The following KCNQ3 variants were observed in gnomAD, a reference collection of about 807,000 sequenced individuals.
The protein encoded by KCNQ3 is potassium voltage-gated channel subfamily Q member 3, also known as potassium voltage-gated channel subfamily KQT member 3.
In KCNQ3, 30 loss-of-function variants were observed where a neutral mutation model predicts 92.5. The ratio of observed to expected loss-of-function variants is 0.32; its 90% CI spans 0.24 to 0.44. The LOEUF is 0.44. Ranked by LOEUF, KCNQ3 falls within the 20% of genes least tolerant of loss-of-function variation. The pLI, the probability that KCNQ3 is intolerant of heterozygous loss-of-function variation, is 1.00. For synonymous variants in KCNQ3, 450 were observed against 468.8 expected, an observed-to-expected ratio of 0.96 and a Z score of 0.52; for missense variants, 913 against 1,140.3, an observed-to-expected ratio of 0.80 and a Z score of 2.87.
At chr8:132,350,148 T>C (rs961150654) in intron 1 of KCNQ3, among the ~76,000 whole-genome samples, 1 of 152,202 alleles carries the variant, frequency 6.6e-6, no homozygotes, top group Non-Finnish European at 1.5e-5. Context: ...CAAACATTGT[T>C]GGCAGTCCGG....
intron 1 of KCNQ3, among the ~76,000 whole-genome samples, chr8:132,278,564 A>G (rs140718302): frequency 7.9e-5 from 12 of 152,334 alleles, no homozygotes; most frequent in African/African-American, 2.2e-4. Context: ...CTGAAAGTCC[A>G]TAAGTAGGAC....
chr8:132,409,917 T>C (rs1396897491), intron 1 of KCNQ3, among the ~76,000 whole-genome samples: 1 of 152,218 alleles, frequency 6.6e-6, no homozygotes, highest in East Asian at 1.9e-4. Context: ...GAAGGTCAAT[T>C]TCAGAAGCAT....
rs149441236 is a variant in KCNQ3 at position 132,463,003 on chromosome 8, T to A, written c.386+17144A>T. Among the ~76,000 whole-genome samples the A allele has an allele frequency of 2.6e-4, 40 of 152,204 alleles. No individual in the cohort carries two copies. In the East Asian group the frequency reaches 7.7e-3, roughly 29 times the overall value. On this transcript the variant is annotated intron_variant, in intron 1 of 14. Coordinates refer to ENST00000388996, the MANE Select transcript of KCNQ3 (RefSeq NM_004519.4). Reference sequence around the variant, plus strand: ...ATTCAAGACACACATACACAGACAATGTTAGCATTCCGGGAAGACACAAAA... The same window carrying A: ...ATTCAAGACACACATACACAGACAAAGTTAGCATTCCGGGAAGACACAAAA...
Position 132,391,409 on chromosome 8 carries a change from C to T in KCNQ3, c.386+88738G>A, listed in dbSNP as rs150353962. ...GCTTCTTCAAGATGTTTTGGTGAGG[C>T]GACGCCGAGAAGAGATGCAAAAACT... On this transcript the variant is annotated intron_variant, in intron 1 of 14. Transcript: ENST00000388996. Among the ~76,000 whole-genome samples the T allele has an allele frequency of 7.3e-5, 11 of 151,636 alleles. 1 individual carries two copies. The East Asian group carries it at 1.4e-3, about 19-fold the overall frequency.
chr8:132,460,720 C>T (rs1241094355), intron 1 of KCNQ3, among the ~76,000 whole-genome samples: 9 of 152,166 alleles, frequency 5.9e-5, no homozygotes, highest in Admixed American at 1.3e-4. Context: ...CCTGGGGTTC[C>T]GTGACCTCCT....
intron 1 of KCNQ3, among the ~76,000 whole-genome samples, chr8:132,376,635 A>T (rs988757610): frequency 4.6e-5 from 7 of 152,168 alleles, no homozygotes; most frequent in African/African-American, 1.4e-4. Context: ...GTTGATCCCA[A>T]TCTCTTTGTT....
At chr8:132,283,364 T>C (rs1816588405) in intron 1 of KCNQ3, among the ~76,000 whole-genome samples, 1 of 152,204 alleles carries the variant, frequency 6.6e-6, no homozygotes, top group Non-Finnish European at 1.5e-5. Context: ...TTAATAGATT[T>C]AGCATGTATT....
chr8:132,179,912 T>C (rs1410062436), intron 4 of KCNQ3, among the ~76,000 whole-genome samples: 3 of 152,200 alleles, frequency 2.0e-5, no homozygotes, highest in Admixed American at 6.5e-5. Context: ...CAAAGTCATT[T>C]GCATATGGTG....
chr8:132,456,341 T>A (rs11988954), intron 1 of KCNQ3, among the ~76,000 whole-genome samples: 3,209 of 152,212 alleles, frequency 0.021, 114 homozygotes, highest in African/African-American at 0.073. Context: ...TTCTGCTATT[T>A]CCAAAGTCAG....
intron 1 of KCNQ3, among the ~76,000 whole-genome samples, chr8:132,250,326 G>A (rs1815363104): frequency 6.6e-6 from 1 of 152,192 alleles, no homozygotes; most frequent in Non-Finnish European, 1.5e-5. Flanking sequence ...CATCACTTGA[G>A]CCTCTGGACT....
rs577924576 is a variant in KCNQ3, at chr8:132,239,076, C to T, written c.387-52895G>A. Among the ~76,000 whole-genome samples, 9 of 152,222 alleles carry T rather than the reference C, an allele frequency of 5.9e-5. No individual in the cohort carries two copies. The South Asian group carries it at 6.2e-4, about 11-fold the overall frequency. ...TGGCAGAATCTTATTTGGACATTGA[C>T]GTATTACCAAGAAATTCCTGGGCCC... On this transcript the variant is annotated intron_variant, in intron 1 of 14. Transcript: ENST00000388996.
chr8:132,327,890 C>T (rs1047391178), intron 1 of KCNQ3, among the ~76,000 whole-genome samples: 1 of 152,076 alleles, frequency 6.6e-6, no homozygotes, highest in African/African-American at 2.4e-5. Context: ...CAGAGGACCC[C>T]ACCTGTACTT....
chr8:132,229,995 G>C (rs1422023440), intron 1 of KCNQ3, among the ~76,000 whole-genome samples: 1 of 152,112 alleles, frequency 6.6e-6, no homozygotes, highest in African/African-American at 2.4e-5. Context: ...AGGGCAGGAT[G>C]GGGTCTGATC....
chr8:132,336,789 T>A (rs1818377299), intron 1 of KCNQ3, among the ~76,000 whole-genome samples: 1 of 152,206 alleles, frequency 6.6e-6, no homozygotes, highest in Non-Finnish European at 1.5e-5. Flanking sequence ...ATCAGAGACA[T>A]CCAATACAAC....
intron 1 of KCNQ3, among the ~76,000 whole-genome samples, chr8:132,304,742 T>C (rs1403039127): frequency 1.3e-5 from 2 of 152,166 alleles, no homozygotes; most frequent in Non-Finnish European, 2.9e-5. Flanking sequence ...ATGAGACTTT[T>C]GGCTGTAAAA....
At chr8:132,250,916 C>A (rs888865793) in intron 1 of KCNQ3, among the ~76,000 whole-genome samples, 2 of 152,102 alleles carry the variant, frequency 1.3e-5, no homozygotes, top group Non-Finnish European at 2.9e-5. Context: ...ATCAACTCTC[C>A]CCAGTAGTCA....
At chr8:132,222,508 G>T (rs1814271249) in intron 1 of KCNQ3, among the ~76,000 whole-genome samples, 1 of 152,184 alleles carries the variant, frequency 6.6e-6, no homozygotes, top group Admixed American at 6.5e-5. Context: ...GTGAGTTTAG[G>T]GTAGGCTTAA....
rs749205120 is a variant in KCNQ3 at position 132,180,245 on chromosome 8, C to T, written c.689G>A (p.Arg230His). The T allele has an allele frequency of 6.2e-7, 1 of 1,614,154 alleles. No homozygotes were observed. Among genetic ancestry groups the T allele is most frequent in the South Asian group, 1.1e-5 (1 of 91,084 alleles). The change falls in exon 4 of 15, where the codon CGC (arginine) becomes CAC (histidine). Residue 230 changes from arginine (R) to histidine (H), a missense_variant. Around this residue, in one of 6 missense-constraint regions of KCNQ3, gnomAD observed 100 missense variants for 217.6 expected, o/e 0.46. Coordinates refer to ENST00000388996, the MANE Select transcript of KCNQ3 (RefSeq NM_004519.4). ...CAGCATGCGCAGGATCTGCAGGAAGCGCAGGCTTCGCAGGGAGGTGGCCAG... is the reference window on the plus strand; with the variant it reads ...CAGCATGCGCAGGATCTGCAGGAAGTGCAGGCTTCGCAGGGAGGTGGCCAG... ...NVLATSLRSLRFLQILRMLRM... is the reference protein window; with the variant it reads ...NVLATSLRSLHFLQILRMLRM...
At chr8:132,318,951 A>C (rs913564687) in intron 1 of KCNQ3, among the ~76,000 whole-genome samples, 2 of 152,166 alleles carry the variant, frequency 1.3e-5, no homozygotes, top group African/African-American at 4.8e-5. Flanking sequence ...AAGGTTGGAG[A>C]CTTAAAAAGT....
Sources: gnomAD v4.1 joint callset for allele counts (sites outside exome capture counted in the v4.1 genomes callset) on GRCh38, gnomAD v4.1.1 for gene constraint, gnomAD v4.1.1 regional missense constraint, MANE v1.5 for transcripts, NCBI Gene and HGNC (gene_info 2026-07-23, HGNC 2026-07-21) for gene names.